Variants in LRRK2 observed in about 807,000 individuals in gnomAD.
LRRK2 encodes leucine-rich repeat serine/threonine-protein kinase 2.
LRRK2 carries 203 observed loss-of-function variants against 302.6 expected under a neutral mutation model. That is an observed-to-expected ratio of 0.67 (90% CI 0.60 to 0.75). The LOEUF is 0.75. Among genes scored for constraint, LRRK2 ranks in the 30% least tolerant of loss-of-function variants. The probability of loss-of-function intolerance (pLI) is 0.00; values close to 1 mark genes in which losing one functional copy is unlikely to be tolerated. For missense variants in LRRK2, 2,830 were observed against 2,951.0 expected (o/e 0.96, Z 0.95); for synonymous variants, 1,066 against 1,031.9 (o/e 1.03, Z -0.63).
intron 31 of LRRK2, among the ~76,000 whole-genome samples, chr12:40,311,268 T>C (rs1048472016): frequency 6.6e-6 from 1 of 152,174 alleles, no homozygotes. Flanking sequence ...TTAGGAATTA[T>C]GTTTTAAATG....
At position 40,305,958 on chromosome 12, in the gene LRRK2, C is replaced by T. The variant is rs1458146887; in HGVS notation, c.3951C>T (p.Asp1317=). 2.5e-6 allele frequency: 4 copies of T among 1,606,776 alleles called. No individual in the cohort carries two copies. The highest frequency in any genetic ancestry group is 3.4e-6 in the Non-Finnish European group (4 of 1,174,858). ...DFKHIGCKAK[D]IIRFLQQRLK... is the part of the protein sequence containing the mutation. The stretch of plus-strand genomic sequence containing the variant: ...AACATATAGGATGTAAAGCCAAAGA[C>T]ATCATAAGGTTAGATAATTTTTTTC... The change falls in exon 28 of 51, where the codon GAC becomes GAT. Residue 1317 remains aspartate (D), a synonymous_variant. Transcript: ENST00000298910.
chr12:40,328,061 A>G (rs986266963), intron 38 of LRRK2, among the ~76,000 whole-genome samples: 8 of 152,222 alleles, frequency 5.3e-5, no homozygotes, highest in African/African-American at 9.6e-5. Flanking sequence ...GGAGGTGGCT[A>G]TAAGTGAAAA....
At position 40,225,112 on chromosome 12, in the gene LRRK2, G is replaced by T. The variant is rs754445903; in HGVS notation, c.-20G>T. On this transcript the variant is annotated 5_prime_UTR_variant, in exon 1 of 51. Coordinates refer to ENST00000298910, the MANE Select transcript of LRRK2 (RefSeq NM_198578.4). ...GGACGTTCATGCTGGGAGGGCGGCG[G>T]GTTGGAAGCAGGTGCCACCATGGCT... The T allele has an allele frequency of 6.2e-7, 1 of 1,613,242 alleles. No individual in the cohort carries two copies. Among genetic ancestry groups the T allele is most frequent in the Non-Finnish European group, 8.5e-7 (1 of 1,179,960 alleles).
chr12:40,367,953 C>G lies in LRRK2; in HGVS notation c.*188C>G, dbSNP rs1946928897. ...ACCAGTAAATGTGTATTTTAAAGAA[C>G]TATTTAAAACACAATGTTATATTTC... On this transcript the variant is annotated 3_prime_UTR_variant, in exon 51 of 51. Coordinates refer to ENST00000298910, the MANE Select transcript of LRRK2 (RefSeq NM_198578.4). The G allele has an allele frequency of 5.0e-6, 2 of 397,892 alleles. No homozygotes were observed. The highest frequency in any genetic ancestry group is 8.6e-5 in the East Asian group (2 of 23,380). 24.6% of individuals were successfully genotyped at this position (397,892 alleles called of 1,614,324 possible).
At chr12:40,290,162 C>T (rs536641885) in intron 20 of LRRK2, among the ~76,000 whole-genome samples, 1 of 152,084 alleles carries the variant, frequency 6.6e-6, no homozygotes, top group African/African-American at 2.4e-5. Flanking sequence ...AAATGCTCTT[C>T]AGCATCTGCT....
chr12:40,367,218 C>T (rs972079103), intron 50 of LRRK2, 141 bp downstream of exon 50: 2 of 707,216 alleles, frequency 2.8e-6, no homozygotes, highest in Non-Finnish European at 4.7e-6. Context: ...GTGTAAAGAA[C>T]TTAGACATAA....
Position 40,309,217 on chromosome 12 carries a change from G to C in LRRK2, c.4301G>C (p.Trp1434Ser). Reference sequence around the variant, plus strand: ...GCTGAAGTTGATGCCATGAAGCCTTGGCTCTTCAATATAAAGGTGATTTGT... The same window carrying C: ...GCTGAAGTTGATGCCATGAAGCCTTCGCTCTTCAATATAAAGGTGATTTGT... ...GQAEVDAMKP[W>S]LFNIKARASS... Residue 1434 changes from tryptophan (W) to serine (S), a missense_variant, in exon 30 of 51, where the codon TGG becomes TCG. Physicochemically the swap from Trp to Ser is radical, Grantham distance 177. This residue lies in a region of LRRK2 where 2,121 missense variants were observed against 2,148.0 expected (regional missense o/e 0.99). Coordinates refer to ENST00000298910, the MANE Select transcript of LRRK2 (RefSeq NM_198578.4). 1 of 1,613,620 alleles carries C rather than the reference G, an allele frequency of 6.2e-7. No homozygotes were observed. The highest frequency in any genetic ancestry group is 8.5e-7 in the Non-Finnish European group (1 of 1,179,844).
rs372129412 is a variant in LRRK2, at chr12:40,287,573, A to C, written c.2689+34A>C. 7 of 1,595,034 alleles carry C rather than the reference A, an allele frequency of 4.4e-6. No homozygotes were observed. In the South Asian group the frequency reaches 5.5e-5, roughly 13 times the overall value. On this transcript the variant is annotated intron_variant, in intron 20 of 50. Transcript: ENST00000298910. ...TATAAAAAAAAACCCTTTATGCTTT[A>C]TATTTACACACTGACATTGAACAAT...
intron 14 of LRRK2, among the ~76,000 whole-genome samples, chr12:40,270,247 G>A (rs1217261572): frequency 6.6e-6 from 1 of 152,084 alleles, no homozygotes; most frequent in Non-Finnish European, 1.5e-5. Flanking sequence ...AATATCTCCT[G>A]TTTTCCCACC....
intron 30 of LRRK2, 79 bp from the exon 31 acceptor site, chr12:40,310,352 G>C: frequency 7.4e-7 from 1 of 1,344,820 alleles, no homozygotes; most frequent in Non-Finnish European, 1.1e-6. Flanking sequence ...TGAATGTCAC[G>C]GAAAGCAAAT....
chr12:40,324,635 G>A (rs1195146918), intron 38 of LRRK2, among the ~76,000 whole-genome samples: 1 of 152,134 alleles, frequency 6.6e-6, no homozygotes, highest in African/African-American at 2.4e-5. Context: ...AATATTATTA[G>A]CAAAAAGTTG....
At chr12:40,238,851 A>T (rs963380156) in intron 5 of LRRK2, among the ~76,000 whole-genome samples, 1 of 152,202 alleles carries the variant, frequency 6.6e-6, no homozygotes, top group East Asian at 1.9e-4. Context: ...ATAACTGTTG[A>T]ATTCCCTGTC....
chr12:40,265,436 G>C (rs1404779974), intron 14 of LRRK2, among the ~76,000 whole-genome samples: 5 of 152,146 alleles, frequency 3.3e-5, no homozygotes, highest in Admixed American at 3.3e-4. Context: ...CTTATACCCT[G>C]ACAGAATTCA....
intron 42 of LRRK2, among the ~76,000 whole-genome samples, 179 bp from the exon 43 acceptor site, chr12:40,348,230 T>TAGA (rs1946254219): frequency 1.3e-5 from 2 of 152,194 alleles, no homozygotes; most frequent in Non-Finnish European, 2.9e-5. Context: ...CCACATCTCT[T>TAGA]AGTGGAGATC....
At chr12:40,361,449 C>A (rs1207528643) in intron 47 of LRRK2, among the ~76,000 whole-genome samples, 2 of 152,020 alleles carry the variant, frequency 1.3e-5, no homozygotes, top group East Asian at 3.9e-4. Flanking sequence ...GAACTCACAA[C>A]CCAGAAAGTG....
At chr12:40,276,856 G>A (rs1026118354) in intron 16 of LRRK2, among the ~76,000 whole-genome samples, 3 of 151,784 alleles carry the variant, frequency 2.0e-5, no homozygotes, top group African/African-American at 7.3e-5. Flanking sequence ...TTTTTGAGAT[G>A]GGGTCTCACT....
At position 40,359,121 on chromosome 12, in the gene LRRK2, C is replaced by G. The variant is rs1483542897; in HGVS notation, c.6844-139C>G. On this transcript the variant is annotated intron_variant, in intron 46 of 50. Transcript: ENST00000298910. Reference sequence around the variant, plus strand: ...AACTAAGAGTTTTTTTTAATGGAATCTTTAGGTTTTTGAGTTTTAATTTTA... The same window carrying G: ...AACTAAGAGTTTTTTTTAATGGAATGTTTAGGTTTTTGAGTTTTAATTTTA... 5 of 727,798 alleles carry G rather than the reference C, an allele frequency of 6.9e-6. No individual in the cohort carries two copies. In the Admixed American group the frequency reaches 8.8e-5, roughly 13 times the overall value. 45.1% of individuals were successfully genotyped at this position (727,798 alleles called of 1,614,324 possible). A position where few individuals can be genotyped will look rare whatever the true frequency, so the allele number is the denominator to read the frequency against.
intron 31 of LRRK2, among the ~76,000 whole-genome samples, chr12:40,312,261 A>G (rs1359234794): frequency 6.6e-6 from 1 of 152,180 alleles, no homozygotes; most frequent in African/African-American, 2.4e-5. Flanking sequence ...TTACAAGGAA[A>G]TAAAACAAAT....
At chr12:40,298,585 A>G (rs546732491) in intron 24 of LRRK2, 92 bp downstream of exon 24, 26 of 1,471,146 alleles carry the variant, frequency 1.8e-5, no homozygotes, top group Non-Finnish European at 2.4e-5. Context: ...GAGTTTTAAC[A>G]ACATGGTGAA....
Sources: gnomAD v4.1 joint callset for allele counts (sites outside exome capture counted in the v4.1 genomes callset) on GRCh38, gnomAD v4.1.1 for gene constraint, gnomAD v4.1.1 regional missense constraint, MANE v1.5 for transcripts, NCBI Gene and HGNC (gene_info 2026-07-23, HGNC 2026-07-21) for gene names.